Variants in TUNAR observed in about 807,000 individuals in gnomAD.
TUNAR encodes protein TUNAR.
At chr14:95,880,351 C>T (rs141554693) in intron 2 of TUNAR, among the ~76,000 whole-genome samples, 10 of 152,212 alleles carry the variant, frequency 6.6e-5, no homozygotes, top group Admixed American at 1.3e-4. Context: ...GTGGAGACTC[C>T]GTACCCTGAG....
At chr14:95,905,703 C>T (rs4900301) in intron 2 of TUNAR, among the ~76,000 whole-genome samples, 15,464 of 152,212 alleles carry the variant, frequency 0.1, 927 homozygotes, top group South Asian at 0.22. Context: ...TCTCTTTCTC[C>T]TCAAACATGA....
chr14:95,884,051 G>A (rs935438671), intron 2 of TUNAR, among the ~76,000 whole-genome samples: 4 of 151,976 alleles, frequency 2.6e-5, no homozygotes, highest in African/African-American at 9.7e-5. Flanking sequence ...CCCCATGCTG[G>A]CCACTCTTCC....
chr14:95,917,311 C>A (rs1395657017), intron 2 of TUNAR, among the ~76,000 whole-genome samples: 1 of 152,146 alleles, frequency 6.6e-6, no homozygotes, highest in Admixed American at 6.5e-5. Flanking sequence ...GACCCGTTTA[C>A]CCCTGTGGAT....
chr14:95,896,246 G>A (rs145966273), intron 2 of TUNAR, among the ~76,000 whole-genome samples: 87 of 152,298 alleles, frequency 5.7e-4, no homozygotes, highest in African/African-American at 2.0e-3. Flanking sequence ...CTCAGAGTCC[G>A]GTCTTCTAGA....
chr14:95,903,309 C>T (rs1889384093), intron 2 of TUNAR, among the ~76,000 whole-genome samples: 1 of 152,070 alleles, frequency 6.6e-6, no homozygotes. Flanking sequence ...ATTACTTGGC[C>T]CCTGGGAAGC....
intron 2 of TUNAR, among the ~76,000 whole-genome samples, chr14:95,889,871 A>G (rs1238685199): frequency 6.6e-6 from 1 of 151,358 alleles, no homozygotes; most frequent in Non-Finnish European, 1.5e-5. Context: ...TCCTCCACTC[A>G]ACCATTTAGG....
At chr14:95,894,265 T>G (rs1040070598) in intron 2 of TUNAR, among the ~76,000 whole-genome samples, 12 of 151,254 alleles carry the variant, frequency 7.9e-5, no homozygotes, top group African/African-American at 2.7e-4. Flanking sequence ...GAAATTCCCC[T>G]CTTTTGGGAT....
At chr14:95,889,477 T>TCCCCCTCCC (rs1889134826) in intron 2 of TUNAR, among the ~76,000 whole-genome samples, 1 of 85,970 alleles carries the variant, frequency 1.2e-5, no homozygotes. Context: ...CCCCTCCTCC[T>TCCCCCTCCC]CCTCCGCCTC....
chr14:95,916,329 T>C (rs1020582620), intron 2 of TUNAR, among the ~76,000 whole-genome samples: 1 of 152,236 alleles, frequency 6.6e-6, no homozygotes, highest in Non-Finnish European at 1.5e-5. Flanking sequence ...ATATAAAATA[T>C]TGTTAGAATC....
intron 2 of TUNAR, among the ~76,000 whole-genome samples, chr14:95,904,037 G>GA (rs1412677228): frequency 6.6e-6 from 1 of 152,240 alleles, no homozygotes; most frequent in African/African-American, 2.4e-5. Context: ...AGGGAACATG[G>GA]ACCCCTGCCT....
chr14:95,922,539 G>A (rs546213818), intron 2 of TUNAR, among the ~76,000 whole-genome samples: 5 of 152,348 alleles, frequency 3.3e-5, no homozygotes, highest in African/African-American at 9.6e-5. Context: ...TGCCCGGGTA[G>A]ACTTCTAGGC....
At chr14:95,898,075 G>A (rs1889293306) in intron 2 of TUNAR, among the ~76,000 whole-genome samples, 2 of 152,110 alleles carry the variant, frequency 1.3e-5, no homozygotes, top group Non-Finnish European at 2.9e-5. Flanking sequence ...GCTTTCCTGG[G>A]TTGGAGGCTC....
At chr14:95,912,943 G>A (rs560039273) in intron 2 of TUNAR, among the ~76,000 whole-genome samples, 69 of 151,922 alleles carry the variant, frequency 4.5e-4, no homozygotes, top group African/African-American at 6.5e-4. Flanking sequence ...GGCGCCTGCC[G>A]CCACACCTGG....
At chr14:95,889,259 T>C (rs932045356) in intron 2 of TUNAR, among the ~76,000 whole-genome samples, 2 of 152,140 alleles carry the variant, frequency 1.3e-5, no homozygotes, top group Non-Finnish European at 2.9e-5. Flanking sequence ...AAAGAAAAAT[T>C]AAAAATTATT....
chr14:95,903,663 C>T (rs1475396045), intron 2 of TUNAR, among the ~76,000 whole-genome samples: 2 of 152,220 alleles, frequency 1.3e-5, no homozygotes, highest in African/African-American at 4.8e-5. Flanking sequence ...ACAAGCCAGT[C>T]TAAAACTTAG....
chr14:95,897,453 G>A (rs1179557481), intron 2 of TUNAR, among the ~76,000 whole-genome samples: 1 of 152,158 alleles, frequency 6.6e-6, no homozygotes, highest in Non-Finnish European at 1.5e-5. Context: ...TGTTCCTTTT[G>A]TCTTTCCTCT....
intron 2 of TUNAR, among the ~76,000 whole-genome samples, chr14:95,906,879 C>G (rs750867571): frequency 1.6e-4 from 25 of 152,192 alleles, no homozygotes; most frequent in Non-Finnish European, 2.5e-4. Context: ...TGATCCTACC[C>G]CACTCTTCTC....
intron 2 of TUNAR, among the ~76,000 whole-genome samples, chr14:95,915,271 C>A (rs181944839): frequency 6.6e-6 from 1 of 152,038 alleles, no homozygotes; most frequent in Non-Finnish European, 1.5e-5. Flanking sequence ...CTGTTTTTTG[C>A]AGGGATATGG....
chr14:95,884,014 C>G (rs1432738849), intron 2 of TUNAR, among the ~76,000 whole-genome samples: 3 of 152,082 alleles, frequency 2.0e-5, no homozygotes, highest in Admixed American at 2.0e-4. Flanking sequence ...CCTCCCTGCT[C>G]TAAAGGACTC....
Sources: allele counts gnomAD v4.1 joint callset (sites outside exome capture counted in the v4.1 genomes callset), GRCh38; gene constraint gnomAD v4.1.1; transcripts MANE v1.5; gene names NCBI Gene and HGNC (gene_info 2026-07-23, HGNC 2026-07-21).